PDZRN4: variants seen among roughly 807,000 people sequenced by gnomAD.
PDZRN4 encodes PDZ domain containing ring finger 4.
Under a neutral mutation model 99.0 loss-of-function variants are expected in PDZRN4, and 70 were observed. The observed-to-expected ratio is 0.71, with a 90% CI of 0.58 to 0.86. The LOEUF (loss-of-function observed/expected upper bound fraction) is 0.86. Ranked by LOEUF, PDZRN4 falls within the 40% of genes least tolerant of loss-of-function variation. The probability of loss-of-function intolerance (pLI) is 0.00; values close to 1 mark genes in which losing one functional copy is unlikely to be tolerated. For missense variants in PDZRN4, 1,474 were observed against 1,331.2 expected (o/e 1.11, Z -1.67); for synonymous variants, 551 against 501.6 (o/e 1.10, Z -1.32).
chr12:41,513,560 G>C (rs1444867866), intron 5 of PDZRN4, among the ~76,000 whole-genome samples: 1 of 152,028 alleles, frequency 6.6e-6, no homozygotes, highest in Non-Finnish European at 1.5e-5. Flanking sequence ...CCCATCGTAA[G>C]AGTCAGGGTG....
chr12:41,335,778 C>T (rs1951769192), intron 3 of PDZRN4, among the ~76,000 whole-genome samples: 1 of 152,034 alleles, frequency 6.6e-6, no homozygotes, highest in African/African-American at 2.4e-5. Context: ...TTTACTGGAG[C>T]AGCAAACTAT....
chr12:41,555,043 C>T (rs285582), intron 6 of PDZRN4, among the ~76,000 whole-genome samples: 116,645 of 134,460 alleles, frequency 0.87, 50,158 homozygotes, highest in East Asian at 0.95. Context: ...CCCATCTCTA[C>T]TAAAAATACA....
Position 41,188,519 on chromosome 12 carries a change from G to A in PDZRN4, c.64G>A (p.Gly22Ser), listed in dbSNP as rs762602790. 1 of 1,586,480 alleles carries A rather than the reference G, an allele frequency of 6.3e-7. No individual in the cohort carries two copies. The highest frequency in any genetic ancestry group is 1.7e-5 in the Admixed American group (1 of 58,810). ...VDPALECKLC[G>S]QVLEEPLCTP... is the part of the protein sequence containing the mutation. ...CCCGGCTCTGGAGTGCAAACTGTGCGGCCAGGTGCTTGAAGAGCCCCTGTG... is the reference window on the plus strand; with the variant it reads ...CCCGGCTCTGGAGTGCAAACTGTGCAGCCAGGTGCTTGAAGAGCCCCTGTG... The change falls in exon 1 of 10, where the codon GGC (glycine) becomes AGC (serine). Residue 22 changes from glycine to serine, a missense_variant. Coordinates refer to ENST00000402685, the MANE Select transcript of PDZRN4 (RefSeq NM_001164595.2).
chr12:41,572,202 C>T (rs1201179421), intron 9 of PDZRN4, among the ~76,000 whole-genome samples, 162 bp from the exon 10 acceptor site: 1 of 152,112 alleles, frequency 6.6e-6, no homozygotes, highest in Non-Finnish European at 1.5e-5. Flanking sequence ...CTGCCATGAG[C>T]TAATTTCCTT....
At chr12:41,487,825 C>T (rs144271314) in intron 3 of PDZRN4, among the ~76,000 whole-genome samples, 210 of 152,320 alleles carry the variant, frequency 1.4e-3, no homozygotes, top group African/African-American at 4.6e-3. Flanking sequence ...AAAATGTCTA[C>T]TGCTTCTTAA....
chr12:41,396,710 T>G (rs1952248624), intron 3 of PDZRN4, among the ~76,000 whole-genome samples: 1 of 152,172 alleles, frequency 6.6e-6, no homozygotes, highest in East Asian at 1.9e-4. Flanking sequence ...TTAAACTACA[T>G]AGTTCTTTAT....
chr12:41,478,175 G>T (rs1483345251), intron 3 of PDZRN4, among the ~76,000 whole-genome samples: 5 of 152,112 alleles, frequency 3.3e-5, no homozygotes, highest in Admixed American at 2.0e-4. Context: ...GAGTGCAGTG[G>T]TGCAATCTCG....
intron 5 of PDZRN4, among the ~76,000 whole-genome samples, chr12:41,529,584 T>C (rs1938625644): frequency 6.6e-6 from 1 of 152,250 alleles, no homozygotes; most frequent in Non-Finnish European, 1.5e-5. Flanking sequence ...ATGCACCTTC[T>C]GGCCACAGTG....
Position 41,194,094 on chromosome 12 carries a change from G to A in PDZRN4, c.749G>A (p.Gly250Glu). Residue 250 changes from glycine (G) to glutamate (E), a missense_variant, in exon 3 of 10, where the codon GGA becomes GAA. Gly to Glu is a moderately conservative substitution (Grantham distance 98). Coordinates refer to ENST00000402685, the MANE Select transcript of PDZRN4 (RefSeq NM_001164595.2). ...TTTTAAAAATAGAATAATCAGGAAG[G>A]AACATCGACTGAAGGAATTTACGTT... ...GGRPNQNNQE[G>E]TSTEGIYVSK... 1 of 1,487,848 alleles carries A rather than the reference G, an allele frequency of 6.7e-7. No individual in the cohort carries two copies. The highest frequency in any genetic ancestry group is 9.3e-7 in the Non-Finnish European group (1 of 1,078,140). The allele number at this position is 1,487,848 out of a possible 1,614,324, so 92.2% of individuals were successfully genotyped here.
chr12:41,214,370 A>G (rs1950906898), intron 3 of PDZRN4, among the ~76,000 whole-genome samples: 1 of 140,390 alleles, frequency 7.1e-6, no homozygotes, highest in South Asian at 2.4e-4. Flanking sequence ...TTGAGGCTGC[A>G]GTGAGACATG....
intron 3 of PDZRN4, among the ~76,000 whole-genome samples, chr12:41,205,683 C>T (rs1950844634): frequency 6.6e-6 from 1 of 151,928 alleles, no homozygotes; most frequent in South Asian, 2.1e-4. Context: ...CCACGTGATG[C>T]TCTTTCATAT....
chr12:41,506,843 T>C (rs1938215882), intron 4 of PDZRN4, 131 bp downstream of exon 4: 4 of 970,772 alleles, frequency 4.1e-6, no homozygotes, highest in Non-Finnish European at 6.0e-6. Flanking sequence ...GTTTGGAAAA[T>C]GTCTCCCCTG....
chr12:41,212,337 T>C (rs779076924), intron 3 of PDZRN4, among the ~76,000 whole-genome samples: 2 of 152,034 alleles, frequency 1.3e-5, no homozygotes, highest in African/African-American at 2.4e-5. Flanking sequence ...CCAGTAGTTA[T>C]GCAAGAAGTT....
intron 3 of PDZRN4, among the ~76,000 whole-genome samples, chr12:41,261,701 G>A (rs1055959995): frequency 6.6e-6 from 1 of 152,144 alleles, no homozygotes; most frequent in Non-Finnish European, 1.5e-5. Flanking sequence ...GTGTTAGCCA[G>A]GATGGTCTCG....
chr12:41,351,272 G>A (rs1951887789), intron 3 of PDZRN4, among the ~76,000 whole-genome samples: 1 of 152,008 alleles, frequency 6.6e-6, no homozygotes. Context: ...GCAAAACCAA[G>A]GAGGAGTACT....
At chr12:41,453,140 C>T (rs905083050) in intron 3 of PDZRN4, among the ~76,000 whole-genome samples, 27 of 152,172 alleles carry the variant, frequency 1.8e-4, no homozygotes, top group African/African-American at 5.1e-4. Flanking sequence ...AATAAAGCAA[C>T]TCCCTTTGAC....
intron 3 of PDZRN4, among the ~76,000 whole-genome samples, chr12:41,463,969 AG>A (rs1355652289): frequency 1.2e-4 from 18 of 152,256 alleles, no homozygotes; most frequent in African/African-American, 4.1e-4. Context: ...TTACCCCCAC[AG>A]GAGGTACAAC....
At chr12:41,319,049 A>T (rs1951657381) in intron 3 of PDZRN4, among the ~76,000 whole-genome samples, 1 of 152,136 alleles carries the variant, frequency 6.6e-6, no homozygotes, top group African/African-American at 2.4e-5. Context: ...AACATCTGTA[A>T]CCTAAAACAA....
chr12:41,329,062 C>T (rs1206214707), intron 3 of PDZRN4, among the ~76,000 whole-genome samples: 1 of 152,120 alleles, frequency 6.6e-6, no homozygotes, highest in African/African-American at 2.4e-5. Context: ...TGTTCCTCAC[C>T]TCTATTTCAA....
Sources: gnomAD v4.1 joint callset for allele counts (sites outside exome capture counted in the v4.1 genomes callset) on GRCh38, gnomAD v4.1.1 for gene constraint, MANE v1.5 for transcripts, NCBI Gene and HGNC (gene_info 2026-07-23, HGNC 2026-07-21) for gene names.